The following FOXF1 variants were observed in gnomAD, a reference collection of about 807,000 sequenced individuals.
FOXF1 encodes forkhead box F1.
Under a neutral mutation model 26.6 loss-of-function variants are expected in FOXF1, and 9 were observed. That is an observed-to-expected ratio of 0.34 (90% CI 0.20 to 0.59). FOXF1 has a LOEUF of 0.59. Ranked by LOEUF, FOXF1 falls within the 20% of genes least tolerant of loss-of-function variation. The pLI is 0.83. For missense variants in FOXF1, 499 were observed against 549.9 expected (o/e 0.91, Z 0.93); for synonymous variants, 330 against 257.7 (o/e 1.28, Z -2.69).
rs1018555065 is a variant in FOXF1 at position 86,514,833 on chromosome 16, A to G, written c.*1748A>G. 2 of 152,156 alleles carry G rather than the reference A, an allele frequency of 1.3e-5. No individual in the cohort carries two copies. Among genetic ancestry groups the G allele is most frequent in the Non-Finnish European group, 2.9e-5 (2 of 68,026 alleles). The allele number at this position is 152,156 out of a possible 1,614,324, so 9.4% of individuals were successfully genotyped here. A position where few individuals can be genotyped will look rare whatever the true frequency, so the allele number is the denominator to read the frequency against. On this transcript the variant is annotated 3_prime_UTR_variant, in exon 2 of 2. Transcript: ENST00000262426. The stretch of plus-strand genomic sequence containing the variant: ...TATACATATATATGTATATACATAT[A>G]TGTACATATATGTATACGTGTCCAT...
chr16:86,513,246 C>A lies in FOXF1; in HGVS notation c.*161C>A. The A allele has an allele frequency of 1.5e-6, 1 of 678,720 alleles. No individual in the cohort carries two copies. 42.0% of individuals were successfully genotyped at this position (678,720 alleles called of 1,614,324 possible). ...TGGCAAGGAGTCCCCAATGCAAAGACACAGCGCTGCGGTTGGCACCTCCTT... is the reference window on the plus strand; with the variant it reads ...TGGCAAGGAGTCCCCAATGCAAAGAAACAGCGCTGCGGTTGGCACCTCCTT... On this transcript the variant is annotated 3_prime_UTR_variant, in exon 2 of 2. Transcript: ENST00000262426.
At position 86,511,163 on chromosome 16, in the gene FOXF1, C is replaced by T. The variant is rs572931125; in HGVS notation, c.594C>T (p.His198=). ...LEGGLGMMNG[H]LPGNVDGMAL... Reference sequence around the variant, plus strand: ...GCGGCCTGGGCATGATGAACGGCCACTTGCCGGGCAACGTGGACGGCATGG... The same window carrying T: ...GCGGCCTGGGCATGATGAACGGCCATTTGCCGGGCAACGTGGACGGCATGG... Residue 198 remains histidine, a synonymous_variant, in exon 1 of 2, where the codon CAC becomes CAT. Coordinates refer to ENST00000262426, the MANE Select transcript of FOXF1 (RefSeq NM_001451.3). The T allele has an allele frequency of 1.3e-5, 20 of 1,592,796 alleles. No individual in the cohort carries two copies. The African/African-American group carries it at 2.3e-4, about 18-fold the overall frequency.
chr16:86,511,841 C>T (rs1969570537), intron 1 of FOXF1, among the ~76,000 whole-genome samples: 3 of 152,338 alleles, frequency 2.0e-5, no homozygotes, highest in Middle Eastern at 6.8e-3. Flanking sequence ...GACCCCAGTG[C>T]CCTAAGTCCT....
Position 86,511,098 on chromosome 16 carries a change from G to C in FOXF1, c.529G>C (p.Gly177Arg), listed in dbSNP as rs983183205. The change falls in exon 1 of 2, where the codon GGC (glycine) becomes CGC (arginine). Residue 177 changes from glycine (G) to arginine (R), a missense_variant. This residue lies in a region of FOXF1 where 367 missense variants were observed against 324.8 expected (regional missense o/e 1.13). Transcript: ENST00000262426. ...PDTYGFQGSA[G>R]GLSCPPNSLA... ...CACCTACGGCTTCCAGGGCTCGGCC[G>C]GCGGCCTCTCGTGCCCGCCCAACAG... 1.9e-6 allele frequency: 3 copies of C among 1,607,350 alleles called. No individual in the cohort carries two copies. The highest frequency in any genetic ancestry group is 2.5e-6 in the Non-Finnish European group (3 of 1,179,846).
intron 1 of FOXF1, among the ~76,000 whole-genome samples, chr16:86,512,347 C>G (rs1009837260): frequency 6.6e-6 from 1 of 152,258 alleles, no homozygotes; most frequent in Non-Finnish European, 1.5e-5. Flanking sequence ...CTGGAGTGAG[C>G]TTGCCAGGGC....
At chr16:86,512,411 C>G (rs1969579541) in intron 1 of FOXF1, among the ~76,000 whole-genome samples, 1 of 152,212 alleles carries the variant, frequency 6.6e-6, no homozygotes, top group East Asian at 1.9e-4. Context: ...GGCCTGGAGG[C>G]CTTAGGCAGC....
At position 86,511,141 on chromosome 16, in the gene FOXF1, G is replaced by A; in HGVS notation, c.572G>A (p.Gly191Asp). 1 of 1,600,908 alleles carries A rather than the reference G, an allele frequency of 6.2e-7. No homozygotes were observed. Residue 191 changes from glycine to aspartate, a missense_variant, in exon 1 of 2, where the codon GGC becomes GAC. Physicochemically the swap from Gly to Asp is moderately conservative, Grantham distance 94. Transcript: ENST00000262426. ...CCCAACAGCCTGGCGCTGGAGGGCG[G>A]CCTGGGCATGATGAACGGCCACTTG... is the stretch of plus-strand genomic sequence containing the variant. Reference protein sequence around the residue: ...CPPNSLALEGGLGMMNGHLPG... With the variant: ...CPPNSLALEGDLGMMNGHLPG...
chr16:86,512,985 C>G lies in FOXF1; in HGVS notation c.1040C>G (p.Ser347Cys), dbSNP rs766784006. Residue 347 changes from serine to cysteine, a missense_variant, in exon 2 of 2, where the codon TCT becomes TGT. Around this residue, in one of 5 missense-constraint regions of FOXF1, gnomAD observed 367 missense variants for 324.8 expected, o/e 1.13. Transcript: ENST00000262426. ...SMCDRKEFVF[S>C]FNAMASSSMH... ...TGTGACCGAAAGGAGTTTGTCTTCT[C>G]TTTCAACGCCATGGCGTCCTCTTCC... is the stretch of plus-strand genomic sequence containing the variant. 2 of 1,614,192 alleles carry G rather than the reference C, an allele frequency of 1.2e-6. No individual in the cohort carries two copies. The highest frequency in any genetic ancestry group is 1.7e-6 in the Non-Finnish European group (2 of 1,180,052).
In FOXF1 at chr16:86,513,205, C is replaced by T. The variant is rs1567512005; in HGVS notation, c.*120C>T. On this transcript the variant is annotated 3_prime_UTR_variant, in exon 2 of 2. Transcript: ENST00000262426. The stretch of plus-strand genomic sequence containing the variant: ...GGCAGAAGAAAAGGGTTCCACCTCT[C>T]CCCAACCGGAGTTTTTGGCAAGGAG... 7 of 1,113,186 alleles carry T rather than the reference C, an allele frequency of 6.3e-6. No homozygotes were observed. Among genetic ancestry groups the T allele is most frequent in the Non-Finnish European group, 9.0e-6 (7 of 775,778 alleles). The allele number at this position is 1,113,186 out of a possible 1,614,324, so 69.0% of individuals were successfully genotyped here. A position where few individuals can be genotyped will look rare whatever the true frequency, so the allele number is the denominator to read the frequency against.
At chr16:86,512,689 A>AGCAGGCAGGCAGGCAGGCAG (rs112947944) in intron 1 of FOXF1, among the ~76,000 whole-genome samples, 3,030 of 151,872 alleles carry the variant, frequency 0.02, 101 homozygotes, top group African/African-American at 0.07. Flanking sequence ...ACAGGCACGC[A>AGCAGGCAGGCAGGCAGGCAG]GCAGGCAGGC....
At chr16:86,512,752 T>G (rs1417337125) in intron 1 of FOXF1, among the ~76,000 whole-genome samples, 173 bp from the exon 2 acceptor site, 1 of 151,900 alleles carries the variant, frequency 6.6e-6, no homozygotes, top group East Asian at 1.9e-4. Flanking sequence ...TTTCCTTGGG[T>G]GCGCAGCTGG....
At chr16:86,511,887 A>G (rs2143188430) in intron 1 of FOXF1, among the ~76,000 whole-genome samples, 1 of 152,342 alleles carries the variant, frequency 6.6e-6, no homozygotes, top group East Asian at 1.9e-4. Context: ...GCTTGGAAAG[A>G]TCCTGGGATG....
chr16:86,512,095 A>G (rs1184936205), intron 1 of FOXF1, among the ~76,000 whole-genome samples: 1 of 152,206 alleles, frequency 6.6e-6, no homozygotes, highest in Non-Finnish European at 1.5e-5. Context: ...GTCCAGGGGC[A>G]TTTTGTGGTG....
chr16:86,512,429 C>T (rs368166861), intron 1 of FOXF1, among the ~76,000 whole-genome samples: 1 of 152,178 alleles, frequency 6.6e-6, no homozygotes, highest in African/African-American at 2.4e-5. Flanking sequence ...AGCCTCTCTG[C>T]GGGGGACTCC....
rs768517844 is a variant in FOXF1 at position 86,513,137 on chromosome 16, G to A, written c.*52G>A. The A allele has an allele frequency of 8.2e-6, 13 of 1,585,838 alleles. No individual in the cohort carries two copies. Among genetic ancestry groups the A allele is most frequent in the Non-Finnish European group, 1.1e-5 (13 of 1,164,450 alleles). On this transcript the variant is annotated 3_prime_UTR_variant, in exon 2 of 2. Coordinates refer to ENST00000262426, the MANE Select transcript of FOXF1 (RefSeq NM_001451.3). ...CAGGCAGGCGGGTCACAGGGACCCTGGACCGGCACAAGAAACTGCTTTCTT... is the reference window on the plus strand; with the variant it reads ...CAGGCAGGCGGGTCACAGGGACCCTAGACCGGCACAAGAAACTGCTTTCTT...
rs932350277 is a variant in FOXF1 at position 86,512,509 on chromosome 16, A to G, written c.980-416A>G. ...GCTGCTGGCCCGGCGCTGGCCCTGC[A>G]CTGGCCTCTCCTTCAACCCCGCCGG... On this transcript the variant is annotated intron_variant, in intron 1 of 1. Coordinates refer to ENST00000262426, the MANE Select transcript of FOXF1 (RefSeq NM_001451.3). Among the ~76,000 whole-genome samples the G allele has an allele frequency of 2.0e-5, 3 of 152,346 alleles. No individual in the cohort carries two copies. The East Asian group carries it at 5.8e-4, about 29-fold the overall frequency.
Position 86,511,237 on chromosome 16 carries a change from C to G in FOXF1, c.668C>G (p.Ser223Trp), listed in dbSNP as rs1393788111. 6.5e-7 allele frequency: 1 copy of G among 1,527,246 alleles called. No individual in the cohort carries two copies. Among genetic ancestry groups the G allele is most frequent in the Middle Eastern group, 1.8e-4 (1 of 5,438 alleles). 94.6% of individuals were successfully genotyped at this position (1,527,246 alleles called of 1,614,324 possible). A position where few individuals can be genotyped will look rare whatever the true frequency, so the allele number is the denominator to read the frequency against. Residue 223 changes from serine to tryptophan, a missense_variant, in exon 1 of 2, where the codon TCG becomes TGG. Ser to Trp is a radical substitution (Grantham distance 177, BLOSUM62 -3). Transcript: ENST00000262426. ...VPHLPSNGGH[S>W]YMGGCGGAAA... is the part of the protein sequence containing the mutation. ...CACCTGCCTTCCAACGGCGGCCACT[C>G]GTACATGGGCGGCTGCGGCGGCGCG...
chr16:86,511,002 C>G lies in FOXF1; in HGVS notation c.433C>G (p.Arg145Gly), dbSNP rs1226371332. ...GSFRRRPRGF[R>G]RKCQALKPMY... ...CTTTCGGCGGCGGCCGCGCGGCTTC[C>G]GAAGGAAATGCCAGGCGCTCAAGCC... The change falls in exon 1 of 2, where the codon CGA becomes GGA. Residue 145 changes from arginine (R) to glycine (G), a missense_variant. Coordinates refer to ENST00000262426, the MANE Select transcript of FOXF1 (RefSeq NM_001451.3). The G allele has an allele frequency of 1.2e-6, 2 of 1,612,992 alleles. No individual in the cohort carries two copies.
At position 86,512,724 on chromosome 16, in the gene FOXF1, G is replaced by A. The variant is rs573495512; in HGVS notation, c.980-201G>A. On this transcript the variant is annotated intron_variant, in intron 1 of 1. Coordinates refer to ENST00000262426, the MANE Select transcript of FOXF1 (RefSeq NM_001451.3). ...CAGGCAGGCAGGCAGGCAGGCCGTG[G>A]CAAGTGTTCTGGAGTCTTTTCCTTG... Among the ~76,000 whole-genome samples, 11 of 146,776 alleles carry A rather than the reference G, an allele frequency of 7.5e-5. No homozygotes were observed. In the East Asian group the frequency reaches 1.9e-3, roughly 26 times the overall value.
Sources: allele counts gnomAD v4.1 joint callset (sites outside exome capture counted in the v4.1 genomes callset), GRCh38; gene constraint gnomAD v4.1.1; regional missense constraint gnomAD v4.1.1; transcripts MANE v1.5; gene names NCBI Gene and HGNC (gene_info 2026-07-23, HGNC 2026-07-21).